LINGO2: variants seen among roughly 807,000 people sequenced by gnomAD.
LINGO2 encodes the protein leucine rich repeat and Ig domain containing 2.
A neutral mutation model predicts 30.6 loss-of-function variants in LINGO2; 14 were observed. The ratio of observed to expected loss-of-function variants is 0.46; its 90% CI spans 0.30 to 0.72. The LOEUF (loss-of-function observed/expected upper bound fraction) is 0.72. Ranked by LOEUF, LINGO2 falls within the 30% of genes least tolerant of loss-of-function variation. The pLI, the probability that LINGO2 is intolerant of heterozygous loss-of-function variation, is 0.07. For synonymous variants in LINGO2, 317 were observed against 288.5 expected (o/e 1.10, Z -1.00); for missense variants, 729 against 751.7 (o/e 0.97, Z 0.35).
the LINGO2 span, among the ~76,000 whole-genome samples, chr9:29,178,357 C>A: frequency 1.3e-5 from 2 of 152,008 alleles, no homozygotes; most frequent in Admixed American, 1.3e-4. Context: ...CTAGTCTAAG[C>A]CCTTATTCTC....
chr9:29,081,098 C>G, the LINGO2 span, among the ~76,000 whole-genome samples: 14 of 152,054 alleles, frequency 9.2e-5, no homozygotes, highest in African/African-American at 3.4e-4. Context: ...CATCCTGATA[C>G]CAAAGCCTGG....
chr9:28,820,313 C>A, the LINGO2 span, among the ~76,000 whole-genome samples: 1 of 150,888 alleles, frequency 6.6e-6, no homozygotes, highest in African/African-American at 2.4e-5. Context: ...ACTGAGCAAG[C>A]TATTAGAGAC....
chr9:28,587,581 G>A (rs1018091258), intron 1 of LINGO2, among the ~76,000 whole-genome samples: 2 of 151,732 alleles, frequency 1.3e-5, no homozygotes, highest in Admixed American at 6.6e-5. Flanking sequence ...GTATGCGATG[G>A]GTATGATAAA....
chr9:28,654,284 T>C (rs1175767025), intron 1 of LINGO2, among the ~76,000 whole-genome samples: 16 of 152,094 alleles, frequency 1.1e-4, no homozygotes, highest in Admixed American at 1.0e-3. Context: ...TAAAGCCCTT[T>C]TATGTACTAA....
intron 2 of LINGO2, among the ~76,000 whole-genome samples, chr9:28,424,246 G>A (rs1179389560): frequency 6.6e-6 from 1 of 152,100 alleles, no homozygotes; most frequent in Non-Finnish European, 1.5e-5. Flanking sequence ...AGCTCACTTT[G>A]TGTAGAAGAA....
At chr9:29,036,638 G>A in the LINGO2 span, among the ~76,000 whole-genome samples, 11 of 152,072 alleles carry the variant, frequency 7.2e-5, no homozygotes, top group Admixed American at 3.9e-4. Flanking sequence ...AGTGAACAGT[G>A]CAATTAGCTT....
the LINGO2 span, among the ~76,000 whole-genome samples, chr9:29,018,695 G>A: frequency 5.9e-5 from 9 of 152,206 alleles, no homozygotes; most frequent in South Asian, 4.1e-4. Context: ...AGTCAGCTCC[G>A]AAGTTCTCAC....
the LINGO2 span, among the ~76,000 whole-genome samples, chr9:29,137,597 T>C: frequency 6.6e-6 from 1 of 152,112 alleles, no homozygotes; most frequent in African/African-American, 2.4e-5. Flanking sequence ...CCTAAACAAG[T>C]GTTGTTTCTT....
At chr9:28,893,281 C>A in the LINGO2 span, among the ~76,000 whole-genome samples, 1 of 151,882 alleles carries the variant, frequency 6.6e-6, no homozygotes, top group African/African-American at 2.4e-5. Flanking sequence ...TCACATTTCT[C>A]AATATATGAT....
intron 4 of LINGO2, among the ~76,000 whole-genome samples, chr9:28,119,901 C>T (rs1587024781): frequency 6.6e-6 from 1 of 152,028 alleles, no homozygotes; most frequent in Non-Finnish European, 1.5e-5. Context: ...GAAATAATCC[C>T]ACTATAATTA....
At chr9:28,637,836 T>G (rs563302563) in intron 1 of LINGO2, among the ~76,000 whole-genome samples, 1 of 152,298 alleles carries the variant, frequency 6.6e-6, no homozygotes, top group South Asian at 2.1e-4. Flanking sequence ...CTGATTGCCC[T>G]GGCCAGAACT....
the LINGO2 span, among the ~76,000 whole-genome samples, chr9:28,818,368 G>A: frequency 5.2e-3 from 796 of 152,138 alleles, 8 homozygotes; most frequent in African/African-American, 0.018. Context: ...TCCTTCTAGA[G>A]GCATCAACTC....
chr9:29,192,816 G>T, the LINGO2 span, among the ~76,000 whole-genome samples: 1 of 152,204 alleles, frequency 6.6e-6, no homozygotes, highest in Non-Finnish European at 1.5e-5. Context: ...ATAGTCCCAT[G>T]GTTCTGCAGT....
At chr9:28,292,370 G>A (rs777843055) in intron 4 of LINGO2, among the ~76,000 whole-genome samples, 17 of 152,128 alleles carry the variant, frequency 1.1e-4, no homozygotes, top group Non-Finnish European at 2.2e-4. Context: ...ACAGTCTGAG[G>A]ATTTTCCCAG....
At chr9:28,996,418 A>T in the LINGO2 span, among the ~76,000 whole-genome samples, 2 of 152,144 alleles carry the variant, frequency 1.3e-5, no homozygotes, top group Non-Finnish European at 2.9e-5. Context: ...CAGGAATCAT[A>T]CCATTTTCTA....
At chr9:28,438,827 C>CATATATATATATATAT (rs200082723) in intron 2 of LINGO2, among the ~76,000 whole-genome samples, 7 of 130,816 alleles carry the variant, frequency 5.4e-5, no homozygotes, top group African/African-American at 2.0e-4. Flanking sequence ...AAAATATATA[C>CATATATATATATATAT]ATATATATAT....
chr9:29,083,445 G>A, the LINGO2 span, among the ~76,000 whole-genome samples: 1 of 152,012 alleles, frequency 6.6e-6, no homozygotes, highest in Non-Finnish European at 1.5e-5. Context: ...GGGTGAGGGA[G>A]GGGGGATGGA....
intron 4 of LINGO2, among the ~76,000 whole-genome samples, chr9:28,210,508 C>G (rs1820551363): frequency 6.6e-6 from 1 of 151,480 alleles, no homozygotes; most frequent in Admixed American, 6.6e-5. Flanking sequence ...AGAGAGATGC[C>G]AATAAATACT....
chr9:28,057,618 CATAT>C (rs1018046525), intron 4 of LINGO2, among the ~76,000 whole-genome samples: 2 of 77,328 alleles, frequency 2.6e-5, no homozygotes, highest in African/African-American at 8.3e-5. Context: ...TATGTATATA[CATAT>C]ATATACACAC....
Sources: gnomAD v4.1 joint callset for allele counts (sites outside exome capture counted in the v4.1 genomes callset) on GRCh38, gnomAD v4.1.1 for gene constraint, MANE v1.5 for transcripts, NCBI Gene and HGNC (gene_info 2026-07-23, HGNC 2026-07-21) for gene names.